The following GLIS3 variants were observed in gnomAD, a reference collection of about 807,000 sequenced individuals.
GLIS3 encodes the protein zinc finger protein GLIS3.
Under a neutral mutation model 78.6 loss-of-function variants are expected in GLIS3, and 53 were observed. That is an observed-to-expected ratio of 0.67 (90% confidence interval 0.54 to 0.85). The LOEUF (loss-of-function observed/expected upper bound fraction) is 0.85. GLIS3 is among the 40% of genes least tolerant of loss of function. GLIS3 has a pLI of 0.00. For missense variants in GLIS3, 1,703 were observed against 1,231.1 expected (o/e 1.38, Z -5.74); for synonymous variants, 684 against 509.9 (o/e 1.34, Z -4.60).
At chr9:4,103,213 T>C (rs1021956431) in intron 4 of GLIS3, among the ~76,000 whole-genome samples, 1 of 152,154 alleles carries the variant, frequency 6.6e-6, no homozygotes, top group Non-Finnish European at 1.5e-5. Context: ...TAAGAAGAAA[T>C]ATAATTGTGT....
the GLIS3 span, among the ~76,000 whole-genome samples, chr9:4,468,781 T>C: frequency 1.4e-4 from 22 of 152,126 alleles, no homozygotes; most frequent in Non-Finnish European, 4.4e-5. Context: ...AATTCACACA[T>C]AACAATATTA....
chr9:4,048,944 A>G (rs1825481501), intron 4 of GLIS3, among the ~76,000 whole-genome samples: 1 of 152,194 alleles, frequency 6.6e-6, no homozygotes, highest in Non-Finnish European at 1.5e-5. Flanking sequence ...ATAGTCACCA[A>G]CACGTGGCAG....
At chr9:4,096,459 C>T (rs1829956716) in intron 4 of GLIS3, among the ~76,000 whole-genome samples, 1 of 152,210 alleles carries the variant, frequency 6.6e-6, no homozygotes, top group Non-Finnish European at 1.5e-5. Flanking sequence ...ATGACCCTTT[C>T]TTTAATTCAG....
At chr9:4,108,513 A>G (rs1830949440) in intron 4 of GLIS3, among the ~76,000 whole-genome samples, 1 of 152,136 alleles carries the variant, frequency 6.6e-6, no homozygotes, top group South Asian at 2.1e-4. Flanking sequence ...CTTCATTACA[A>G]CTGTTCTCCC....
chr9:4,406,360 G>A, the GLIS3 span, among the ~76,000 whole-genome samples: 27 of 152,052 alleles, frequency 1.8e-4, no homozygotes, highest in Non-Finnish European at 3.7e-4. Flanking sequence ...GTCTCTTGTT[G>A]CCTGGGCTGG....
In GLIS3 at chr9:4,332,466, A is replaced by T. The variant is rs112785425; in HGVS notation, n.264+14615T>A. Among the ~76,000 whole-genome samples the T allele has an allele frequency of 2.2e-3, 328 of 152,322 alleles. 2 individuals are homozygous for T. Among genetic ancestry groups the T allele is most frequent in the African/African-American group, 7.7e-3 (318 of 41,568 alleles). On this transcript the variant is annotated intron_variant and non_coding_transcript_variant, in intron 2 of 4. Coordinates refer to the GLIS3 transcript ENST00000471664. ...ACGTGACTAAGTTCCAGTACACAGA[A>T]TCTTTTTCACAAAACCACTTACTTT...
chr9:3,982,495 T>C (rs183633897), intron 4 of GLIS3, among the ~76,000 whole-genome samples: 2 of 152,344 alleles, frequency 1.3e-5, no homozygotes, highest in East Asian at 1.9e-4. Context: ...TGCATTCCTC[T>C]TTTACAAGTA....
At chr9:3,864,376 T>C (rs1820432460) in intron 8 of GLIS3, among the ~76,000 whole-genome samples, 1 of 152,216 alleles carries the variant, frequency 6.6e-6, no homozygotes, top group Non-Finnish European at 1.5e-5. Flanking sequence ...ATCAGTGTTA[T>C]TTTTGTCTAA....
chr9:4,375,381 T>C, the GLIS3 span, among the ~76,000 whole-genome samples: 1 of 152,204 alleles, frequency 6.6e-6, no homozygotes. Context: ...CAAATTATAG[T>C]ATATACAAGT....
chr9:4,043,297 T>C (rs1824980831), intron 4 of GLIS3, among the ~76,000 whole-genome samples: 1 of 152,058 alleles, frequency 6.6e-6, no homozygotes, highest in African/African-American at 2.4e-5. Context: ...GTGTAGAGTG[T>C]TGAGCAAGAA....
intron 9 of GLIS3, chr9:3,855,597 C>G: frequency 3.8e-6 from 1 of 261,810 alleles, no homozygotes; most frequent in Non-Finnish European, 7.5e-6. Context: ...AGGTGTCATT[C>G]CACCTGCGCC....
chr9:3,861,308 G>A (rs1371596221), intron 8 of GLIS3, among the ~76,000 whole-genome samples: 1 of 152,058 alleles, frequency 6.6e-6, no homozygotes, highest in Non-Finnish European at 1.5e-5. Context: ...TTATATTATT[G>A]GAGGGAATGT....
chr9:3,874,758 G>A (rs758740289), intron 8 of GLIS3, among the ~76,000 whole-genome samples: 28 of 152,306 alleles, frequency 1.8e-4, no homozygotes, highest in African/African-American at 5.3e-4. Flanking sequence ...TCACAGAAAC[G>A]TTTTGTGTTG....
chr9:3,824,390 C>CAA lies in GLIS3; in HGVS notation c.*3880_*3881dup, dbSNP rs1383616850. On this transcript the variant is annotated 3_prime_UTR_variant, in exon 11 of 11. Coordinates refer to ENST00000381971, the MANE Select transcript of GLIS3 (RefSeq NM_001042413.2). ...GTAAGAGGCTGATGGTAAAACAAAACAAAAAAACAAACAAACAAACAATGA... is the reference window on the plus strand; with the variant it reads ...GTAAGAGGCTGATGGTAAAACAAAACAAAAAAAAACAAACAAACAAACAATGA... The CAA allele has an allele frequency of 6.6e-6, 1 of 152,356 alleles. No homozygotes were observed. Among genetic ancestry groups the CAA allele is most frequent in the Non-Finnish European group, 1.5e-5 (1 of 67,952 alleles). The allele number at this position is 152,356 out of a possible 1,614,324, so 9.4% of individuals were successfully genotyped here.
At chr9:4,314,758 T>G (rs975443820) in intron 2 of GLIS3, among the ~76,000 whole-genome samples, 1 of 152,216 alleles carries the variant, frequency 6.6e-6, no homozygotes, top group African/African-American at 2.4e-5. Context: ...TCTCATTCAT[T>G]AGCTCTGGGA....
At chr9:4,483,772 G>A in the GLIS3 span, among the ~76,000 whole-genome samples, 2 of 150,606 alleles carry the variant, frequency 1.3e-5, no homozygotes, top group Admixed American at 1.3e-4. Flanking sequence ...AAATTCTAGA[G>A]CCAGACCATC....
At chr9:4,265,397 C>T (rs1469648255) in intron 2 of GLIS3, among the ~76,000 whole-genome samples, 1 of 141,386 alleles carries the variant, frequency 7.1e-6, no homozygotes, top group African/African-American at 3.0e-5. Context: ...GATATTATCC[C>T]TTAGAAAGGG....
intron 2 of GLIS3, among the ~76,000 whole-genome samples, chr9:4,245,555 G>A (rs1204134616): frequency 6.6e-6 from 1 of 152,234 alleles, no homozygotes; most frequent in Non-Finnish European, 1.5e-5. Context: ...AGGATGTGCA[G>A]TGGATGCTAA....
intron 2 of GLIS3, among the ~76,000 whole-genome samples, chr9:4,171,376 G>A (rs1022926448): frequency 1.3e-5 from 2 of 152,034 alleles, no homozygotes; most frequent in Non-Finnish European, 2.9e-5. Flanking sequence ...AGAGAGATTA[G>A]ATTGAAATTT....
Sources: allele counts gnomAD v4.1 joint callset (sites outside exome capture counted in the v4.1 genomes callset), GRCh38; gene constraint gnomAD v4.1.1; transcripts MANE v1.5; gene names NCBI Gene and HGNC (gene_info 2026-07-23, HGNC 2026-07-21).